The following GALNTL6 variants were observed in gnomAD, a reference collection of about 807,000 sequenced individuals.
GALNTL6 encodes polypeptide N-acetylgalactosaminyltransferase-like 6.
GALNTL6 carries 46 observed loss-of-function variants against 73.7 expected under a neutral mutation model. That is an observed-to-expected ratio of 0.62 (90% CI 0.49 to 0.80). The LOEUF is 0.80. Among genes scored for constraint, GALNTL6 ranks in the 30% least tolerant of loss-of-function variants. GALNTL6 has a pLI of 0.00. For missense variants in GALNTL6, 604 were observed against 755.0 expected (o/e 0.80, Z 2.34); for synonymous variants, 259 against 263.7 (o/e 0.98, Z 0.17).
chr4:172,502,599 C>T (rs1734298374), intron 5 of GALNTL6, among the ~76,000 whole-genome samples: 1 of 152,130 alleles, frequency 6.6e-6, no homozygotes, highest in Non-Finnish European at 1.5e-5. Flanking sequence ...TTAATGTGTC[C>T]TAAACTGTGT....
At position 172,514,712 on chromosome 4, in the gene GALNTL6, C is replaced by A. The variant is rs1031383774; in HGVS notation, c.553+166023C>A. On this transcript the variant is annotated intron_variant, in intron 5 of 12. Transcript: ENST00000506823. ...TCCACTGGCAACGCTCCCCAAGGGC[C>A]CCTGTGAGATACGGTCTGGAATGGG... Among the ~76,000 whole-genome samples the A allele has an allele frequency of 5.3e-5, 8 of 152,184 alleles. 1 individual carries two copies. Among genetic ancestry groups the A allele is most frequent in the Admixed American group, 5.2e-4 (8 of 15,286 alleles).
chr4:172,167,875 C>T (rs966899016), intron 2 of GALNTL6, among the ~76,000 whole-genome samples: 2 of 148,212 alleles, frequency 1.3e-5, no homozygotes, highest in Non-Finnish European at 3.0e-5. Flanking sequence ...AGGAGAATGG[C>T]GTGAACCCGG....
chr4:172,865,197 G>T (rs1431114005), intron 7 of GALNTL6, among the ~76,000 whole-genome samples: 1 of 152,204 alleles, frequency 6.6e-6, no homozygotes, highest in Non-Finnish European at 1.5e-5. Context: ...TAGAGAAAAG[G>T]CTGGTGCACT....
At chr4:172,036,063 T>C (rs1741921352) in intron 2 of GALNTL6, among the ~76,000 whole-genome samples, 1 of 152,220 alleles carries the variant, frequency 6.6e-6, no homozygotes, top group African/African-American at 2.4e-5. Context: ...TTGAGTTATT[T>C]TTACAAATGT....
intron 10 of GALNTL6, among the ~76,000 whole-genome samples, chr4:172,959,714 G>T (rs970387534): frequency 2.0e-5 from 3 of 152,174 alleles, no homozygotes; most frequent in Non-Finnish European, 4.4e-5. Flanking sequence ...GGGAGTGGCT[G>T]CCAGGTGAGT....
At chr4:172,673,356 T>A (rs939547375) in intron 5 of GALNTL6, among the ~76,000 whole-genome samples, 1 of 152,216 alleles carries the variant, frequency 6.6e-6, no homozygotes, top group Admixed American at 6.5e-5. Context: ...ATGATTTCGG[T>A]TCTTTTGCAT....
intron 5 of GALNTL6, among the ~76,000 whole-genome samples, chr4:172,736,347 T>G (rs186684328): frequency 2.0e-5 from 3 of 152,224 alleles, no homozygotes; most frequent in African/African-American, 7.2e-5. Flanking sequence ...GAAAAAGAAT[T>G]CAGTGATATT....
chr4:172,913,397 A>G (rs973265505), intron 8 of GALNTL6, among the ~76,000 whole-genome samples: 1 of 152,228 alleles, frequency 6.6e-6, no homozygotes, highest in Non-Finnish European at 1.5e-5. Flanking sequence ...GACTTTGATG[A>G]GTTGACAGAA....
chr4:172,230,717 CAT>C (rs1737033726), intron 3 of GALNTL6, among the ~76,000 whole-genome samples: 1 of 152,050 alleles, frequency 6.6e-6, no homozygotes, highest in East Asian at 1.9e-4. Flanking sequence ...ATAGGAAGCC[CAT>C]ATTCTCTTAT....
intron 2 of GALNTL6, among the ~76,000 whole-genome samples, chr4:172,034,399 C>CGTGTGTGT (rs1209195765): frequency 6.0e-5 from 2 of 33,418 alleles, no homozygotes; most frequent in African/African-American, 1.9e-4. Flanking sequence ...AGCGTGCGTG[C>CGTGTGTGT]GTGTGTGTGT....
chr4:172,898,534 A>T (rs1746456468), intron 8 of GALNTL6, among the ~76,000 whole-genome samples: 1 of 151,774 alleles, frequency 6.6e-6, no homozygotes, highest in African/African-American at 2.4e-5. Context: ...ATGTAGGTGG[A>T]TTCTTGCAAC....
chr4:172,272,229 A>G (rs1738682565), intron 3 of GALNTL6, among the ~76,000 whole-genome samples: 1 of 152,200 alleles, frequency 6.6e-6, no homozygotes, highest in South Asian at 2.1e-4. Flanking sequence ...TGCTGGGATT[A>G]CAGGTGTGAG....
intron 2 of GALNTL6, among the ~76,000 whole-genome samples, chr4:172,011,549 G>C (rs1377810298): frequency 6.6e-6 from 1 of 152,068 alleles, no homozygotes; most frequent in Non-Finnish European, 1.5e-5. Context: ...ATAAACTCTT[G>C]AGATGGACAG....
intron 5 of GALNTL6, among the ~76,000 whole-genome samples, chr4:172,781,927 A>T (rs907848756): frequency 6.6e-6 from 1 of 151,092 alleles, no homozygotes; most frequent in Non-Finnish European, 1.5e-5. Flanking sequence ...CATTTAAATT[A>T]TATATTTAAA....
chr4:172,232,106 G>A (rs1057188996), intron 3 of GALNTL6, among the ~76,000 whole-genome samples: 3 of 151,566 alleles, frequency 2.0e-5, no homozygotes, highest in Middle Eastern at 3.4e-3. Context: ...TAAGACATAC[G>A]TGTGTGTACA....
At chr4:172,834,237 C>T (rs2032667872) in intron 7 of GALNTL6, among the ~76,000 whole-genome samples, 1 of 152,158 alleles carries the variant, frequency 6.6e-6, no homozygotes, top group African/African-American at 2.4e-5. Flanking sequence ...GTGGACCCAC[C>T]CTGGGTTACC....
At chr4:172,277,930 GAGT>G (rs1738894766) in intron 3 of GALNTL6, among the ~76,000 whole-genome samples, 1 of 152,142 alleles carries the variant, frequency 6.6e-6, no homozygotes, top group Non-Finnish European at 1.5e-5. Context: ...ACACAAAGAA[GAGT>G]AGTAGATTTA....
chr4:172,900,954 A>T (rs887911984), intron 8 of GALNTL6, among the ~76,000 whole-genome samples: 2 of 152,178 alleles, frequency 1.3e-5, no homozygotes, highest in African/African-American at 2.4e-5. Context: ...TGTCACTTGT[A>T]TCTATCACAT....
intron 2 of GALNTL6, among the ~76,000 whole-genome samples, chr4:171,919,861 G>A (rs972258757): frequency 3.3e-5 from 5 of 152,046 alleles, no homozygotes; most frequent in Admixed American, 6.6e-5. Context: ...ATTCCTCAGG[G>A]ATCTAGAACT....
Sources: allele counts gnomAD v4.1 joint callset (sites outside exome capture counted in the v4.1 genomes callset), GRCh38; gene constraint gnomAD v4.1.1; transcripts MANE v1.5; gene names NCBI Gene and HGNC (gene_info 2026-07-23, HGNC 2026-07-21).